The following RPH3AL variants were observed in gnomAD, a reference collection of about 807,000 sequenced individuals.
The protein encoded by RPH3AL is rab effector Noc2.
Under a neutral mutation model 43.1 loss-of-function variants are expected in RPH3AL, and 38 were observed. The observed-to-expected ratio is 0.88, with a 90% CI of 0.68 to 1.15. The LOEUF (loss-of-function observed/expected upper bound fraction) is 1.15. Ranked by LOEUF, RPH3AL falls within the 50% of genes most tolerant of loss-of-function variation. RPH3AL has a pLI of 0.00. For synonymous variants in RPH3AL, 189 were observed against 176.3 expected, an observed-to-expected ratio of 1.07 and a Z score of -0.57; for missense variants, 462 against 423.2, an observed-to-expected ratio of 1.09 and a Z score of -0.81.
At position 213,673 on chromosome 17, in the gene RPH3AL, C is replaced by G; in HGVS notation, c.*179G>C. 1.6e-6 allele frequency: 1 copy of G among 633,446 alleles called. No homozygotes were observed. The highest frequency in any genetic ancestry group is 1.8e-5 in the South Asian group (1 of 55,398). 39.2% of individuals were successfully genotyped at this position (633,446 alleles called of 1,614,324 possible). ...GGGGGTGGCGGATGCAGACAGCTCCCCAGGAGAGAAGGGGTGCAGAAAGGC... is the reference window on the plus strand; with the variant it reads ...GGGGGTGGCGGATGCAGACAGCTCCGCAGGAGAGAAGGGGTGCAGAAAGGC... On this transcript the variant is annotated 3_prime_UTR_variant, in exon 10 of 10. Transcript: ENST00000331302.
intron 2 of RPH3AL, among the ~76,000 whole-genome samples, chr17:329,605 T>G (rs12450248): frequency 0.16 from 24,111 of 152,204 alleles, 2,002 homozygotes; most frequent in East Asian, 0.29. Context: ...TTAAAAATAA[T>G]AAACCCATTA....
At chr17:258,345 G>A (rs367575985) in intron 6 of RPH3AL, among the ~76,000 whole-genome samples, 39 of 152,204 alleles carry the variant, frequency 2.6e-4, no homozygotes, top group African/African-American at 8.0e-4. Context: ...GCTGCGGGTC[G>A]TTTGCTGCAA....
intron 1 of RPH3AL, among the ~76,000 whole-genome samples, chr17:351,483 G>A (rs558941780): frequency 6.6e-5 from 10 of 152,008 alleles, no homozygotes; most frequent in East Asian, 1.9e-4. Context: ...ACCAAGAATC[G>A]TACCCACATG....
intron 4 of RPH3AL, 102 bp from the exon 5 acceptor site, chr17:319,651 C>T (rs2044404365): frequency 7.0e-7 from 1 of 1,421,250 alleles, no homozygotes; most frequent in Non-Finnish European, 9.6e-7. Flanking sequence ...GTCCCCTCAC[C>T]TGGGATATTG....
intron 5 of RPH3AL, among the ~76,000 whole-genome samples, chr17:316,492 A>C (rs1483903089): frequency 7.0e-6 from 1 of 143,526 alleles, no homozygotes; most frequent in Admixed American, 7.0e-5. Context: ...ACCTCCACTG[A>C]CCTGTAGTCT....
chr17:339,804 G>C (rs1042160718), intron 1 of RPH3AL: 2 of 152,254 alleles, frequency 1.3e-5, no homozygotes, highest in African/African-American at 4.8e-5. Flanking sequence ...ACCCAGCAGC[G>C]GGGAGCACAG....
At chr17:285,356 C>T (rs1017106000) in intron 5 of RPH3AL, among the ~76,000 whole-genome samples, 12 of 152,186 alleles carry the variant, frequency 7.9e-5, no homozygotes, top group African/African-American at 2.7e-4. Flanking sequence ...CCTCTCTAAA[C>T]CTCAGACGTT....
chr17:263,498 C>T (rs535696360), intron 6 of RPH3AL, among the ~76,000 whole-genome samples: 1 of 152,252 alleles, frequency 6.6e-6, no homozygotes, highest in East Asian at 1.9e-4. Flanking sequence ...CGGGCGACTG[C>T]CGTTCCCCAA....
chr17:289,908 C>T lies in RPH3AL; in HGVS notation c.352-8054G>A, dbSNP rs1408551100. 6.6e-6 allele frequency among the ~76,000 whole-genome samples: 1 copy of T among 152,178 alleles called. No homozygotes were observed. Among genetic ancestry groups the T allele is most frequent in the East Asian group, 1.9e-4 (1 of 5,190 alleles). On this transcript the variant is annotated intron_variant, in intron 5 of 9. Coordinates refer to ENST00000331302, the MANE Select transcript of RPH3AL (RefSeq NM_006987.4). This position sits in a 1 kb window ranked among gnomAD's most constrained non-coding sequence, Gnocchi z 5.2. ...CCAGAATGGGCTCCTGCCTCTTCTC[C>T]GCTGTCAAGGTTGTGATTTTACCCT...
chr17:221,920 A>G (rs1440318660), intron 7 of RPH3AL, among the ~76,000 whole-genome samples: 1 of 96,980 alleles, frequency 1.0e-5, no homozygotes, highest in East Asian at 3.5e-4. Context: ...CCACTCACTG[A>G]GACAGTAGAC....
chr17:216,165 C>G (rs2040796141), intron 8 of RPH3AL, among the ~76,000 whole-genome samples: 1 of 63,152 alleles, frequency 1.6e-5, no homozygotes, highest in Non-Finnish European at 3.4e-5. Flanking sequence ...CTGCCGGGCT[C>G]TGGCCTGACC....
chr17:251,357 C>A lies in RPH3AL; in HGVS notation c.439-4072G>T, dbSNP rs376136834. Among the ~76,000 whole-genome samples the A allele has an allele frequency of 6.1e-4, 93 of 152,302 alleles. No individual in the cohort carries two copies. In the South Asian group the frequency reaches 0.019, roughly 31 times the overall value. ...AAAGTGCAAAAGTAGCCAGTCTCCTCCCCCATTCCCAGAAGCATCGAAGAA... is the reference window on the plus strand; with the variant it reads ...AAAGTGCAAAAGTAGCCAGTCTCCTACCCCATTCCCAGAAGCATCGAAGAA... On this transcript the variant is annotated intron_variant, in intron 6 of 9. Coordinates refer to ENST00000331302, the MANE Select transcript of RPH3AL (RefSeq NM_006987.4).
chr17:248,079 G>A (rs2041808518), intron 6 of RPH3AL, among the ~76,000 whole-genome samples: 1 of 152,156 alleles, frequency 6.6e-6, no homozygotes, highest in Non-Finnish European at 1.5e-5. Context: ...CCAAGGCAGA[G>A]AGCTGCATGG....
Position 333,298 on chromosome 17 carries a change from C to T in RPH3AL, c.-37+461G>A, listed in dbSNP as rs372596215. The T allele has an allele frequency of 3.0e-5, 38 of 1,286,292 alleles. No homozygotes were observed. The Admixed American group carries it at 3.9e-4, about 13-fold the overall frequency. The allele number at this position is 1,286,292 out of a possible 1,614,324, so 79.7% of individuals were successfully genotyped here. On this transcript the variant is annotated intron_variant, in intron 2 of 9. Transcript: ENST00000331302. The surrounding 1 kb of genome is among the most constrained non-coding windows in gnomAD (Gnocchi z 4.5). ...AGCCTCACGTGGTCACTCCTGGGGG[C>T]GGTAGGATATTTTATCCTAAAGAGA...
chr17:280,093 A>G (rs1244755666), intron 6 of RPH3AL, among the ~76,000 whole-genome samples: 1 of 152,238 alleles, frequency 6.6e-6, no homozygotes, highest in Non-Finnish European at 1.5e-5. Context: ...AATGTGCGCA[A>G]AAACAAGATC....
intron 2 of RPH3AL, among the ~76,000 whole-genome samples, chr17:329,911 A>G (rs1020889952): frequency 1.4e-4 from 21 of 152,352 alleles, no homozygotes; most frequent in African/African-American, 5.1e-4. Context: ...AACAGATGGT[A>G]ATTTCTTAAA....
At chr17:276,394 C>G (rs559554898) in intron 6 of RPH3AL, among the ~76,000 whole-genome samples, 1 of 152,208 alleles carries the variant, frequency 6.6e-6, no homozygotes, top group Non-Finnish European at 1.5e-5. Flanking sequence ...ATTTTAGAGA[C>G]AGGGCCTTGC....
intron 5 of RPH3AL, among the ~76,000 whole-genome samples, chr17:297,963 GC>G (rs1179157196): frequency 6.6e-6 from 1 of 152,050 alleles, no homozygotes; most frequent in Non-Finnish European, 1.5e-5. Context: ...TCCCTCCCTG[GC>G]CCCCACCTCT....
intron 6 of RPH3AL, among the ~76,000 whole-genome samples, chr17:267,476 T>C (rs1383350436): frequency 5.3e-5 from 8 of 152,224 alleles, no homozygotes; most frequent in Non-Finnish European, 1.5e-5. Flanking sequence ...ATGATTTTGA[T>C]TCAATTCCCA....
Sources: gnomAD v4.1 joint callset for allele counts (sites outside exome capture counted in the v4.1 genomes callset) on GRCh38, gnomAD v4.1.1 for gene constraint, Gnocchi (gnomAD v3.1) non-coding constraint, MANE v1.5 for transcripts, NCBI Gene and HGNC (gene_info 2026-07-23, HGNC 2026-07-21) for gene names.